Variants in RASGRF1 observed in about 807,000 individuals in gnomAD.
The protein encoded by RASGRF1 is ras-specific guanine nucleotide-releasing factor 1.
RASGRF1 carries 40 observed loss-of-function variants against 138.7 expected under a neutral mutation model. That is an observed-to-expected ratio of 0.29 (90% CI 0.22 to 0.38). RASGRF1 has a LOEUF of 0.38. RASGRF1 is among the 10% of genes least tolerant of loss of function. The pLI is 1.00. For synonymous variants in RASGRF1, 614 were observed against 663.2 expected, an observed-to-expected ratio of 0.93 and a Z score of 1.14; for missense variants, 1,108 against 1,650.4, an observed-to-expected ratio of 0.67 and a Z score of 5.69.
Position 79,025,421 on chromosome 15 carries a change from G to A in RASGRF1, c.1435C>T (p.Leu479=), listed in dbSNP as rs2057032873. 6.2e-7 allele frequency: 1 copy of A among 1,613,836 alleles called. No individual in the cohort carries two copies. The highest frequency in any genetic ancestry group is 1.1e-5 in the South Asian group (1 of 91,056). The change falls in exon 10 of 27, where the codon CTG becomes TTG. Residue 479 remains leucine (L), a synonymous_variant. Coordinates refer to ENST00000558480, the MANE Select transcript of RASGRF1 (RefSeq NM_001145648.3). ...TCTTTCTTTAGGGAGAGAGACCCCA[G>A]GCGCCCCCTGGTGATCTTGCCCTTT... The part of the protein sequence containing the change: ...SEKGKITRGR[L]GSLSLKKEGE...
intron 13 of RASGRF1, among the ~76,000 whole-genome samples, chr15:79,011,858 G>A (rs1405355942): frequency 6.6e-6 from 1 of 151,888 alleles, no homozygotes; most frequent in Non-Finnish European, 1.5e-5. Flanking sequence ...GTTTGTAATT[G>A]ATACACTATT....
At chr15:79,078,179 GC>G (rs35988217) in intron 1 of RASGRF1, among the ~76,000 whole-genome samples, 59,284 of 150,826 alleles carry the variant, frequency 0.39, 13,822 homozygotes, top group South Asian at 0.69. Flanking sequence ...GTGTGCACTT[GC>G]CCTGGCCCAG....
chr15:79,005,766 C>T (rs1412959966), intron 14 of RASGRF1: 5 of 420,696 alleles, frequency 1.2e-5, no homozygotes, highest in African/African-American at 2.6e-5. Flanking sequence ...TTCCTCTCTC[C>T]CTTTATTTTT....
chr15:78,979,275 T>C, intron 24 of RASGRF1: 1 of 1,067,798 alleles, frequency 9.4e-7, no homozygotes, highest in Non-Finnish European at 1.2e-6. Context: ...ACAGACCAAA[T>C]GCGGCAGGAA....
At chr15:79,049,114 G>C (rs767116804) in intron 4 of RASGRF1, among the ~76,000 whole-genome samples, 5 of 152,132 alleles carry the variant, frequency 3.3e-5, no homozygotes, top group Non-Finnish European at 7.4e-5. Context: ...TGGCAGTGGG[G>C]GTGGCATGCC....
intron 1 of RASGRF1, among the ~76,000 whole-genome samples, chr15:79,088,652 G>T (rs902414130): frequency 2.0e-5 from 3 of 152,182 alleles, no homozygotes; most frequent in Non-Finnish European, 4.4e-5. Context: ...ATGGAGGGGG[G>T]ATCTGGCTGG....
intron 1 of RASGRF1, 85 bp from the exon 2 acceptor site, chr15:79,064,611 A>G: frequency 1.5e-6 from 2 of 1,297,008 alleles, no homozygotes; most frequent in Non-Finnish European, 2.2e-6. Context: ...CTGTTTTGCA[A>G]AGTGCCTGCT....
Position 79,025,134 on chromosome 15 carries a change from G to A in RASGRF1, c.1542+180C>T, listed in dbSNP as rs778832682. Reference sequence around the variant, plus strand: ...CCCAGGATTTCCCTAGTGGAAAATCGGTCAAGTTCTGCTCTCTCCAGCTGG... The same window carrying A: ...CCCAGGATTTCCCTAGTGGAAAATCAGTCAAGTTCTGCTCTCTCCAGCTGG... On this transcript the variant is annotated intron_variant, in intron 10 of 26. Transcript: ENST00000558480. Among the ~76,000 whole-genome samples the A allele has an allele frequency of 2.6e-5, 4 of 152,096 alleles. No homozygotes were observed. The South Asian group carries it at 6.2e-4, about 24-fold the overall frequency.
chr15:79,060,969 C>T (rs1232033631), intron 2 of RASGRF1, among the ~76,000 whole-genome samples: 3 of 151,894 alleles, frequency 2.0e-5, no homozygotes, highest in Non-Finnish European at 4.4e-5. Context: ...TGGTTGTGAT[C>T]CAATTGAATG....
At chr15:79,024,106 C>T (rs2057009857) in intron 10 of RASGRF1, among the ~76,000 whole-genome samples, 1 of 151,052 alleles carries the variant, frequency 6.6e-6, no homozygotes, top group South Asian at 2.1e-4. Flanking sequence ...CATACATACA[C>T]AGAGACACAT....
rs757869291 is a variant in RASGRF1, at chr15:79,032,342, T to A, written c.959-26A>T. ...CTGGAAGGACGAGGCAGTCAGCGGG[T>A]GGCTAGGGCAGCTTGGTGGGGACAG... On this transcript the variant is annotated intron_variant, in intron 6 of 26. Coordinates refer to ENST00000558480, the MANE Select transcript of RASGRF1 (RefSeq NM_001145648.3). The surrounding 1 kb of genome is among the most constrained non-coding windows in gnomAD (Gnocchi z 4.5). 1 of 1,610,212 alleles carries A rather than the reference T, an allele frequency of 6.2e-7. No homozygotes were observed. The highest frequency in any genetic ancestry group is 1.1e-5 in the South Asian group (1 of 90,600).
At chr15:78,978,215 C>CTTTTTTTTTTTTTT (rs2055915117) in intron 24 of RASGRF1, among the ~76,000 whole-genome samples, 4 of 79,344 alleles carry the variant, frequency 5.0e-5, no homozygotes, top group African/African-American at 2.0e-4. Flanking sequence ...TTTTTCTTTT[C>CTTTTTTTTTTTTTT]TTTTGTTTTT....
chr15:79,076,603 A>T (rs1818833449), intron 1 of RASGRF1, among the ~76,000 whole-genome samples: 1 of 152,202 alleles, frequency 6.6e-6, no homozygotes, highest in African/African-American at 2.4e-5. Context: ...GTAAGAAGCC[A>T]AGAAGGAAGC....
At chr15:79,089,619 G>A (rs2037800519) in intron 1 of RASGRF1, among the ~76,000 whole-genome samples, 1 of 152,214 alleles carries the variant, frequency 6.6e-6, no homozygotes, top group African/African-American at 2.4e-5. Context: ...TTGCTCCGGC[G>A]GCCGCCAGCT....
chr15:78,971,032 G>C (rs915521614), intron 26 of RASGRF1, among the ~76,000 whole-genome samples: 1 of 152,106 alleles, frequency 6.6e-6, no homozygotes, highest in African/African-American at 2.4e-5. Context: ...TGGTGGTGGT[G>C]GTGGAGGGGG....
rs1567598878 is a variant in RASGRF1 at position 79,061,413 on chromosome 15, A to ATATATATATATATATATATATAT, written c.384-2933_384-2932insATATATATATATATATATATATA. ...TAGAAAATTAGAACACTATCTTTAA[A>ATATATATATATATATATATATAT]ATATATATATATATATATCATTCAT... On this transcript the variant is annotated intron_variant, in intron 2 of 26. Transcript: ENST00000558480. Among the ~76,000 whole-genome samples, 220 of 116,976 alleles carry ATATATATATATATATATATATAT rather than the reference A, an allele frequency of 1.9e-3. 1 individual carries two copies. Among genetic ancestry groups the ATATATATATATATATATATATAT allele is most frequent in the East Asian group, 6.7e-3 (26 of 3,858 alleles). The allele number at this position is 116,976 out of a possible 152,430, so 76.7% of individuals were successfully genotyped here. A position where few individuals can be genotyped will look rare whatever the true frequency, so the allele number is the denominator to read the frequency against.
intron 4 of RASGRF1, among the ~76,000 whole-genome samples, chr15:79,049,068 G>A (rs1185578198): frequency 1.3e-5 from 2 of 152,152 alleles, no homozygotes; most frequent in South Asian, 2.1e-4. Flanking sequence ...GGTCTGCTGG[G>A]GACTCAGGAG....
intron 3 of RASGRF1, among the ~76,000 whole-genome samples, chr15:79,051,195 A>G (rs1383729235): frequency 6.6e-6 from 1 of 152,198 alleles, no homozygotes; most frequent in Non-Finnish European, 1.5e-5. Context: ...TTGCTGAACC[A>G]CAGGATGAAT....
intron 26 of RASGRF1, among the ~76,000 whole-genome samples, chr15:78,970,621 C>CAAAAAAAAAAAAAAAAA (rs55689628): frequency 1.4e-3 from 81 of 57,786 alleles, no homozygotes; most frequent in Non-Finnish European, 2.0e-3. Flanking sequence ...GACTCTGTCT[C>CAAAAAAAAAAAAAAAAA]AAAAAAAAAA....
Sources: allele counts gnomAD v4.1 joint callset (sites outside exome capture counted in the v4.1 genomes callset), GRCh38; gene constraint gnomAD v4.1.1; non-coding constraint Gnocchi (gnomAD v3.1); transcripts MANE v1.5; gene names NCBI Gene and HGNC (gene_info 2026-07-23, HGNC 2026-07-21).